Variants in KCNIP1 observed in about 807,000 individuals in gnomAD.
KCNIP1 encodes the protein A-type potassium channel modulatory protein KCNIP1.
In KCNIP1, 18 loss-of-function variants were observed where a neutral mutation model predicts 33.0. The ratio of observed to expected loss-of-function variants is 0.55; its 90% confidence interval spans 0.38 to 0.81. KCNIP1 has a LOEUF of 0.81. KCNIP1 is among the 30% of genes least tolerant of loss of function. KCNIP1 has a pLI of 0.00. For synonymous variants in KCNIP1, 93 were observed against 98.3 expected, an observed-to-expected ratio of 0.95 and a Z score of 0.32; for missense variants, 238 against 271.6, an observed-to-expected ratio of 0.88 and a Z score of 0.87.
At chr5:170,621,512 T>C (rs1476211692) in intron 1 of KCNIP1, among the ~76,000 whole-genome samples, 3 of 152,098 alleles carry the variant, frequency 2.0e-5, no homozygotes, top group African/African-American at 4.8e-5. Flanking sequence ...CTCTTTATTA[T>C]TTTTATTTTT....
At position 170,722,779 on chromosome 5, in the gene KCNIP1, A is replaced by T; in HGVS notation, c.394A>T (p.Asn132Tyr). Residue 132 changes from asparagine to tyrosine, a missense_variant, in exon 5 of 8, where the codon AAT becomes TAT. Asn to Tyr is a moderately radical substitution (Grantham distance 143). Coordinates refer to ENST00000328939, the MANE Select transcript of KCNIP1 (RefSeq NM_014592.4). ...TVHEKLRWTF[N>Y]LYDINKDGYI... ...CCACGAGAAACTAAGGTGGACATTTAATTTGTATGACATCAACAAGGACGG... is the reference window on the plus strand; with the variant it reads ...CCACGAGAAACTAAGGTGGACATTTTATTTGTATGACATCAACAAGGACGG... 1 of 1,613,966 alleles carries T rather than the reference A, an allele frequency of 6.2e-7. No homozygotes were observed. The highest frequency in any genetic ancestry group is 1.6e-4 in the Middle Eastern group (1 of 6,062).
At chr5:170,519,760 G>A (rs1325353493) in intron 1 of KCNIP1, among the ~76,000 whole-genome samples, 1 of 152,164 alleles carries the variant, frequency 6.6e-6, no homozygotes, top group East Asian at 1.9e-4. Flanking sequence ...AGAGAGATGG[G>A]TAATAAGAGT....
In KCNIP1 at chr5:170,723,682, G is replaced by A. The variant is rs181572727; in HGVS notation, c.435+862G>A. 3.4e-3 allele frequency among the ~76,000 whole-genome samples: 524 copies of A among 152,226 alleles called. 3 individuals carry two copies. Among genetic ancestry groups the A allele is most frequent in the Middle Eastern group, 0.014 (4 of 294 alleles). On this transcript the variant is annotated intron_variant, in intron 5 of 7. Coordinates refer to ENST00000328939, the MANE Select transcript of KCNIP1 (RefSeq NM_014592.4). ...TGTTCTAGGTGCTGGAGGTAAAGAG[G>A]TGAACAATCAGACTAGGCCCCACAC... is the stretch of plus-strand genomic sequence containing the variant.
intron 1 of KCNIP1, among the ~76,000 whole-genome samples, chr5:170,547,642 G>A (rs914069844): frequency 6.6e-6 from 1 of 152,152 alleles, no homozygotes; most frequent in African/African-American, 2.4e-5. Context: ...TTCTGCTCCT[G>A]TGTTAGTTTG....
chr5:170,623,170 C>CACA (rs1481722996), intron 1 of KCNIP1, among the ~76,000 whole-genome samples: 1 of 152,078 alleles, frequency 6.6e-6, no homozygotes, highest in Admixed American at 6.5e-5. Flanking sequence ...CCTAACAGGC[C>CACA]ACAGACCCAT....
At chr5:170,675,881 C>A (rs992858373) in intron 1 of KCNIP1, among the ~76,000 whole-genome samples, 2 of 152,044 alleles carry the variant, frequency 1.3e-5, no homozygotes, top group African/African-American at 4.8e-5. Context: ...AACTGCAACA[C>A]GCAAATAGAT....
At chr5:170,390,972 C>T (rs949241719) in intron 1 of KCNIP1, among the ~76,000 whole-genome samples, 3 of 152,076 alleles carry the variant, frequency 2.0e-5, no homozygotes, top group African/African-American at 4.8e-5. Flanking sequence ...CACTCTCAGG[C>T]GGTGAGTGCC....
At chr5:170,611,041 G>T (rs1307369872) in intron 1 of KCNIP1, among the ~76,000 whole-genome samples, 1 of 152,190 alleles carries the variant, frequency 6.6e-6, no homozygotes, top group Non-Finnish European at 1.5e-5. Flanking sequence ...AGTCACACAG[G>T]TATTAAGTGC....
chr5:170,565,117 G>A (rs1757161068), intron 1 of KCNIP1, among the ~76,000 whole-genome samples: 2 of 152,044 alleles, frequency 1.3e-5, no homozygotes, highest in African/African-American at 2.4e-5. Flanking sequence ...CCACCACCAA[G>A]AGCAGGCTGA....
chr5:170,613,564 T>C (rs1759258641), intron 1 of KCNIP1, among the ~76,000 whole-genome samples: 1 of 150,874 alleles, frequency 6.6e-6, no homozygotes. Context: ...CTGAAGGAGA[T>C]GGGAGGGAGA....
intron 1 of KCNIP1, among the ~76,000 whole-genome samples, chr5:170,705,591 A>G (rs961748149): frequency 1.3e-5 from 2 of 152,202 alleles, no homozygotes; most frequent in African/African-American, 2.4e-5. Flanking sequence ...ACGGACTGAG[A>G]TGATCAACAG....
At chr5:170,599,628 G>A (rs1428917015) in intron 1 of KCNIP1, among the ~76,000 whole-genome samples, 1 of 48,386 alleles carries the variant, frequency 2.1e-5, no homozygotes, top group Non-Finnish European at 3.9e-5. Flanking sequence ...GAGTGTGATG[G>A]ACCTAGGGGT....
At chr5:170,534,171 T>A (rs1353441334) in intron 1 of KCNIP1, among the ~76,000 whole-genome samples, 3 of 152,140 alleles carry the variant, frequency 2.0e-5, no homozygotes, top group African/African-American at 7.2e-5. Context: ...TATAAAGAGG[T>A]TGCAGAAGCA....
chr5:170,687,018 C>G (rs1250784954), intron 1 of KCNIP1, among the ~76,000 whole-genome samples: 1 of 152,080 alleles, frequency 6.6e-6, no homozygotes, highest in Non-Finnish European at 1.5e-5. Flanking sequence ...TGATCCTCCC[C>G]CATTCTCCCC....
chr5:170,424,266 G>T (rs1478656686), intron 1 of KCNIP1, among the ~76,000 whole-genome samples: 1 of 152,206 alleles, frequency 6.6e-6, no homozygotes, highest in African/African-American at 2.4e-5. Flanking sequence ...GGCCTACTTT[G>T]CACATGTCCC....
At chr5:170,407,902 C>A (rs892706231) in intron 1 of KCNIP1, among the ~76,000 whole-genome samples, 10 of 152,166 alleles carry the variant, frequency 6.6e-5, no homozygotes, top group African/African-American at 2.4e-4. Context: ...ACTATGGTGG[C>A]ATCTTAGCTA....
At chr5:170,441,662 A>T (rs17072664) in intron 1 of KCNIP1, among the ~76,000 whole-genome samples, 12,927 of 152,160 alleles carry the variant, frequency 0.085, 603 homozygotes, top group Admixed American at 0.14. Flanking sequence ...GAGAAAATGT[A>T]GTCTTAAAGA....
chr5:170,577,249 G>A (rs562018880), intron 1 of KCNIP1, among the ~76,000 whole-genome samples: 16 of 152,316 alleles, frequency 1.1e-4, no homozygotes, highest in African/African-American at 3.1e-4. Context: ...AGCAGATGCC[G>A]AGTGACTCAA....
At chr5:170,647,401 A>G (rs1251164567) in intron 1 of KCNIP1, among the ~76,000 whole-genome samples, 3 of 152,164 alleles carry the variant, frequency 2.0e-5, no homozygotes, top group Non-Finnish European at 4.4e-5. Flanking sequence ...TAATAAAGAC[A>G]CTGTGGTATG....
Sources: allele counts gnomAD v4.1 joint callset (sites outside exome capture counted in the v4.1 genomes callset), GRCh38; gene constraint gnomAD v4.1.1; transcripts MANE v1.5; gene names NCBI Gene and HGNC (gene_info 2026-07-23, HGNC 2026-07-21).